Variants in FAAH2 observed in about 807,000 individuals in gnomAD.
FAAH2 encodes the protein fatty-acid amide hydrolase 2.
Under a neutral mutation model 36.9 loss-of-function variants are expected in FAAH2, and 60 were observed. The ratio of observed to expected loss-of-function variants is 1.63; its 90% CI spans 1.32 to 2.02. The LOEUF is 2.02. FAAH2 is among the 30% of genes most tolerant of loss of function. FAAH2 has a pLI of 0.00. For synonymous variants in FAAH2, 214 were observed against 143.8 expected, an observed-to-expected ratio of 1.49 and a Z score of -3.49; for missense variants, 689 against 397.5, an observed-to-expected ratio of 1.73 and a Z score of -6.23.
At chrX:57,409,816 T>C (rs2055655872) in intron 7 of FAAH2, among the ~76,000 whole-genome samples, 1 of 110,927 alleles carries the variant, frequency 9.0e-6, no homozygotes, top group African/African-American at 3.3e-5. Flanking sequence ...CCAGCTAATG[T>C]TTTCTCAATG....
chrX:57,141,671 TG>T, the FAAH2 span, among the ~76,000 whole-genome samples: 2 of 111,928 alleles, frequency 1.8e-5, no homozygotes, highest in Non-Finnish European at 3.8e-5. Flanking sequence ...AGGTTGTATG[TG>T]TCTAGGAATT....
chrX:57,388,504 T>C (rs1404677992), intron 7 of FAAH2, among the ~76,000 whole-genome samples: 1 of 111,501 alleles, frequency 9.0e-6, no homozygotes, highest in Non-Finnish European at 1.9e-5. Flanking sequence ...AGAACAGTTA[T>C]ATATTTACCA....
the FAAH2 span, among the ~76,000 whole-genome samples, chrX:57,232,617 C>A: frequency 1.8e-5 from 2 of 112,295 alleles, no homozygotes; most frequent in African/African-American, 6.5e-5. Flanking sequence ...GCTCTCTAGT[C>A]TCTCTCGTAA....
chrX:57,446,532 G>A (rs1321522764), intron 8 of FAAH2, among the ~76,000 whole-genome samples: 1 of 111,515 alleles, frequency 9.0e-6, no homozygotes, highest in Non-Finnish European at 1.9e-5. Context: ...GAATATTTTC[G>A]TCATTCCTAA....
the FAAH2 span, among the ~76,000 whole-genome samples, chrX:57,141,648 G>A: frequency 2.7e-5 from 3 of 111,126 alleles, no homozygotes; most frequent in Non-Finnish European, 3.8e-5. Flanking sequence ...TTTCTTTATG[G>A]TTCAATCTTG....
the FAAH2 span, among the ~76,000 whole-genome samples, chrX:57,233,254 A>G: frequency 9.0e-6 from 1 of 111,275 alleles, no homozygotes; most frequent in Non-Finnish European, 1.9e-5. Context: ...TTTTAGTCAA[A>G]TATCTGACCT....
At chrX:57,376,054 G>C (rs907962468) in intron 5 of FAAH2, among the ~76,000 whole-genome samples, 1 of 111,072 alleles carries the variant, frequency 9.0e-6, no homozygotes, top group African/African-American at 3.3e-5. Context: ...AAGAGCAAGT[G>C]GGCTGGATAT....
chrX:57,307,916 GGTTA>G (rs1455806349), intron 2 of FAAH2, among the ~76,000 whole-genome samples: 7 of 11,022 alleles, frequency 6.4e-4, no homozygotes, highest in Non-Finnish European at 0.018. Context: ...GTGTTAATTA[GGTTA>G]ATTAGGTTAA....
At chrX:57,411,226 G>T (rs1324492358) in intron 7 of FAAH2, among the ~76,000 whole-genome samples, 2 of 111,925 alleles carry the variant, frequency 1.8e-5, no homozygotes, top group Non-Finnish European at 3.8e-5. Context: ...TGCAAAGCGA[G>T]ACCTGGTGCT....
intron 10 of FAAH2, among the ~76,000 whole-genome samples, chrX:57,472,153 T>A (rs1270232665): frequency 8.9e-6 from 1 of 111,877 alleles, no homozygotes; most frequent in African/African-American, 3.2e-5. Context: ...GAAGAAAACC[T>A]AGGCAATACC....
At chrX:57,202,131 G>T in the FAAH2 span, among the ~76,000 whole-genome samples, 37 of 111,787 alleles carry the variant, frequency 3.3e-4, no homozygotes, top group African/African-American at 1.1e-3. Context: ...CTCCAGGATT[G>T]GTTCCTCGTG....
intron 7 of FAAH2, among the ~76,000 whole-genome samples, chrX:57,420,228 TAA>T (rs2055977213): frequency 1.1e-5 from 1 of 86,976 alleles, no homozygotes; most frequent in Admixed American, 1.3e-4. Context: ...ATATGAACTT[TAA>T]AGTAGTTTTT....
the FAAH2 span, among the ~76,000 whole-genome samples, chrX:57,235,195 G>T: frequency 9.0e-6 from 1 of 111,284 alleles, no homozygotes; most frequent in Non-Finnish European, 1.9e-5. Context: ...AAGTGTGAGG[G>T]TAAGTTAGCA....
intron 10 of FAAH2, among the ~76,000 whole-genome samples, chrX:57,453,411 C>A (rs2056817629): frequency 8.9e-6 from 1 of 112,525 alleles, no homozygotes; most frequent in Non-Finnish European, 1.9e-5. Context: ...AGCTTCCAGC[C>A]CAGCAGTTCC....
intron 3 of FAAH2, among the ~76,000 whole-genome samples, chrX:57,315,398 C>T (rs1490528236): frequency 9.0e-6 from 1 of 111,398 alleles, no homozygotes; most frequent in Admixed American, 9.6e-5. Flanking sequence ...TCCTCTCTAA[C>T]TCATTCTATA....
intron 3 of FAAH2, among the ~76,000 whole-genome samples, chrX:57,315,198 T>A (rs766684489): frequency 2.7e-5 from 3 of 111,278 alleles, no homozygotes; most frequent in African/African-American, 9.8e-5. Context: ...TCTTCCAAGA[T>A]TGAATCAGGA....
chrX:57,394,320 C>A, intron 7 of FAAH2: 1 of 1,063,081 alleles, frequency 9.4e-7, no homozygotes, highest in Non-Finnish European at 1.3e-6. Context: ...GGAGTTATTC[C>A]AGTCACCACC....
At chrX:57,288,338 CTTTTTTTTTTTTTTTTT>C (rs771871081) in intron 1 of FAAH2, among the ~76,000 whole-genome samples, 1 of 40,363 alleles carries the variant, frequency 2.5e-5, no homozygotes, top group Non-Finnish European at 4.0e-5. Flanking sequence ...AAAAACATTT[CTTTTTTTTTTTTTTTTT>C]TTTTTTTTTT....
At chrX:57,393,686 C>T (rs1052532318) in intron 7 of FAAH2, 2 of 998,070 alleles carry the variant, frequency 2.0e-6, no homozygotes, top group African/African-American at 3.8e-5. Flanking sequence ...CACCATTTTG[C>T]CCAGTCTCTC....
Sources: allele counts gnomAD v4.1 joint callset (sites outside exome capture counted in the v4.1 genomes callset), GRCh38; gene constraint gnomAD v4.1.1; transcripts MANE v1.5; gene names NCBI Gene and HGNC (gene_info 2026-07-23, HGNC 2026-07-21).